The following BEND5 variants were observed in gnomAD, a reference collection of about 807,000 sequenced individuals.
BEND5 encodes the protein BEN domain containing 5.
A neutral mutation model predicts 43.9 loss-of-function variants in BEND5; 22 were observed. The observed-to-expected ratio is 0.50, with a 90% CI of 0.36 to 0.72. The LOEUF is 0.72. Ranked by LOEUF, BEND5 falls within the 30% of genes least tolerant of loss-of-function variation. The probability of loss-of-function intolerance (pLI) is 0.00; values close to 1 mark genes in which losing one functional copy is unlikely to be tolerated. For missense variants in BEND5, 428 were observed against 550.6 expected, an observed-to-expected ratio of 0.78 and a Z score of 2.23; for synonymous variants, 228 against 225.9, an observed-to-expected ratio of 1.01 and a Z score of -0.08.
intron 3 of BEND5, among the ~76,000 whole-genome samples, chr1:48,745,687 A>G (rs1650625281): frequency 6.6e-6 from 1 of 152,148 alleles, no homozygotes; most frequent in Non-Finnish European, 1.5e-5. Flanking sequence ...CATCTCTCCA[A>G]TGAGGCTGCC....
intron 4 of BEND5, among the ~76,000 whole-genome samples, chr1:48,740,541 T>C (rs1649755326): frequency 6.6e-6 from 1 of 152,224 alleles, no homozygotes; most frequent in South Asian, 2.1e-4. Context: ...GCAAGCCTGA[T>C]TCATGTAAAC....
chr1:48,758,089 A>G (rs578069336), intron 3 of BEND5, among the ~76,000 whole-genome samples: 2 of 152,356 alleles, frequency 1.3e-5, no homozygotes, highest in Admixed American at 1.3e-4. Context: ...TAGATCAGAA[A>G]ACCTGATTAG....
intron 3 of BEND5, among the ~76,000 whole-genome samples, chr1:48,756,487 G>A (rs1282340009): frequency 1.3e-5 from 2 of 152,156 alleles, no homozygotes; most frequent in Non-Finnish European, 2.9e-5. Flanking sequence ...ACTAGGCTAG[G>A]TCCCTGGCAT....
chr1:48,764,097 C>G (rs932905777), intron 1 of BEND5, among the ~76,000 whole-genome samples: 1 of 152,054 alleles, frequency 6.6e-6, no homozygotes, highest in African/African-American at 2.4e-5. Context: ...GATAAAAACA[C>G]AAGAAAAGAG....
intron 1 of BEND5, among the ~76,000 whole-genome samples, chr1:48,765,046 G>A (rs1644463206): frequency 6.6e-6 from 1 of 152,174 alleles, no homozygotes; most frequent in Non-Finnish European, 1.5e-5. Context: ...TCTTTCTTAT[G>A]TGCTAGACAA....
At chr1:48,739,913 A>C (rs1284114518) in intron 4 of BEND5, among the ~76,000 whole-genome samples, 1 of 152,218 alleles carries the variant, frequency 6.6e-6, no homozygotes, top group African/African-American at 2.4e-5. Context: ...ATGAATTTCT[A>C]GCTCACTTAG....
At chr1:48,763,464 G>GT (rs926760456) in intron 1 of BEND5, among the ~76,000 whole-genome samples, 5 of 152,020 alleles carry the variant, frequency 3.3e-5, no homozygotes, top group Admixed American at 3.3e-4. Flanking sequence ...TTGCAATGGT[G>GT]TTTTTTTGTG....
intron 3 of BEND5, among the ~76,000 whole-genome samples, chr1:48,757,447 T>C (rs1643996544): frequency 6.6e-6 from 1 of 152,260 alleles, no homozygotes; most frequent in Admixed American, 6.5e-5. Flanking sequence ...CTGTAGACTA[T>C]GATTTGGGAC....
At chr1:48,762,574 A>G (rs1159547830) in intron 1 of BEND5, among the ~76,000 whole-genome samples, 1 of 151,236 alleles carries the variant, frequency 6.6e-6, no homozygotes, top group African/African-American at 2.4e-5. Context: ...TGGATGTAGC[A>G]TATGGCCAGG....
chr1:48,734,709 G>C (rs1408718730), intron 5 of BEND5, among the ~76,000 whole-genome samples: 1 of 152,164 alleles, frequency 6.6e-6, no homozygotes, highest in Non-Finnish European at 1.5e-5. Flanking sequence ...CCAGATTGCA[G>C]CTCAAATGTC....
intron 3 of BEND5, among the ~76,000 whole-genome samples, chr1:48,756,750 A>C (rs1643951466): frequency 6.6e-6 from 1 of 152,196 alleles, no homozygotes. Context: ...ATAGACTTTT[A>C]AGCTTTCACT....
rs1395811983 is a variant in BEND5, at chr1:48,751,464, A to G, written c.745+7436T>C. 4.6e-5 allele frequency among the ~76,000 whole-genome samples: 7 copies of G among 152,088 alleles called. No homozygotes were observed. The South Asian group carries it at 1.0e-3, about 23-fold the overall frequency. On this transcript the variant is annotated intron_variant, in intron 3 of 5. Coordinates refer to ENST00000371833, the MANE Select transcript of BEND5 (RefSeq NM_024603.4). ...GGCCTCAGTTTTGAAACCTGGTTCT[A>G]CCCTTTCCTGGGTGTGTGGCCTCAG...
rs1644256269 is a variant in BEND5, at chr1:48,761,556, G to C, written c.227-86C>G. The C allele has an allele frequency of 2.2e-6, 3 of 1,356,280 alleles. No homozygotes were observed. In the African/African-American group the frequency reaches 4.4e-5, roughly 20 times the overall value. 84.0% of individuals were successfully genotyped at this position (1,356,280 alleles called of 1,614,324 possible). ...AGAATGCCCAAAACCTCAAATGCTA[G>C]AAAATAATTGAGGCCAGACCAGTTA... On this transcript the variant is annotated intron_variant, in intron 1 of 5. Coordinates refer to ENST00000371833, the MANE Select transcript of BEND5 (RefSeq NM_024603.4).
rs1019250320 is a variant in BEND5, at chr1:48,727,739, A to G, written c.*147T>C. 10 of 657,726 alleles carry G rather than the reference A, an allele frequency of 1.5e-5. No individual in the cohort carries two copies. The highest frequency in any genetic ancestry group is 4.9e-6 in the Non-Finnish European group (2 of 407,658). 40.7% of individuals were successfully genotyped at this position (657,726 alleles called of 1,614,324 possible). On this transcript the variant is annotated 3_prime_UTR_variant, in exon 6 of 6. Transcript: ENST00000371833. Reference sequence around the variant, plus strand: ...CATCTGTCGTCTTTGGAGTGTCCACATTCAGAACAAGCCGCTGACCCCAGA... The same window carrying G: ...CATCTGTCGTCTTTGGAGTGTCCACGTTCAGAACAAGCCGCTGACCCCAGA...
At chr1:48,771,772 G>C (rs1644848193) in intron 1 of BEND5, among the ~76,000 whole-genome samples, 1 of 152,174 alleles carries the variant, frequency 6.6e-6, no homozygotes, top group Non-Finnish European at 1.5e-5. Flanking sequence ...TGGAGCAAAT[G>C]ATCTATTTGG....
intron 1 of BEND5, among the ~76,000 whole-genome samples, chr1:48,770,732 G>A (rs534502913): frequency 1.1e-4 from 17 of 152,156 alleles, no homozygotes; most frequent in Admixed American, 3.3e-4. Flanking sequence ...CACTTCCAGG[G>A]TTCTCCTCGA....
In BEND5 at chr1:48,736,176, A is replaced by C; in HGVS notation, c.1108+63T>G. The C allele has an allele frequency of 6.6e-7, 1 of 1,526,258 alleles. No individual in the cohort carries two copies. Among genetic ancestry groups the C allele is most frequent in the Non-Finnish European group, 9.1e-7 (1 of 1,101,226 alleles). 94.5% of individuals were successfully genotyped at this position (1,526,258 alleles called of 1,614,324 possible). On this transcript the variant is annotated intron_variant, in intron 5 of 5. Transcript: ENST00000371833. This position sits in a 1 kb window ranked among gnomAD's most constrained non-coding sequence, Gnocchi z 4.0. ...GTAATCGTTGAATTGAATTGTGCCTAACACATTCTTGACAGAGTAAAAGAC... is the reference window on the plus strand; with the variant it reads ...GTAATCGTTGAATTGAATTGTGCCTCACACATTCTTGACAGAGTAAAAGAC...
intron 5 of BEND5, among the ~76,000 whole-genome samples, chr1:48,730,660 A>G (rs911345379): frequency 2.0e-5 from 3 of 152,164 alleles, no homozygotes; most frequent in Non-Finnish European, 2.9e-5. Flanking sequence ...AACAGCACTG[A>G]ACGAAAAGCT....
intron 3 of BEND5, among the ~76,000 whole-genome samples, chr1:48,745,808 T>A (rs1650645717): frequency 6.6e-6 from 1 of 152,188 alleles, no homozygotes; most frequent in Non-Finnish European, 1.5e-5. Context: ...ACTGTTTAGT[T>A]GACTTGTGAC....
Sources: gnomAD v4.1 joint callset for allele counts (sites outside exome capture counted in the v4.1 genomes callset) on GRCh38, gnomAD v4.1.1 for gene constraint, Gnocchi (gnomAD v3.1) non-coding constraint, MANE v1.5 for transcripts, NCBI Gene and HGNC (gene_info 2026-07-23, HGNC 2026-07-21) for gene names.